Variants in NUDCD1 observed in about 807,000 individuals in gnomAD.
NUDCD1 encodes NudC domain containing 1, also known as nudC domain-containing protein 1.
NUDCD1 carries 60 observed loss-of-function variants against 67.8 expected under a neutral mutation model. That is an observed-to-expected ratio of 0.88 (90% CI 0.72 to 1.10). The LOEUF is 1.10. Ranked by LOEUF, NUDCD1 falls within the 50% of genes least tolerant of loss-of-function variation. NUDCD1 has a pLI of 0.00. For missense variants in NUDCD1, 643 were observed against 695.0 expected (o/e 0.93, Z 0.84); for synonymous variants, 244 against 230.8 (o/e 1.06, Z -0.52).
At chr8:109,288,352 T>C (rs1009743661) in intron 5 of NUDCD1, among the ~76,000 whole-genome samples, 1 of 152,154 alleles carries the variant, frequency 6.6e-6, no homozygotes. Flanking sequence ...TCCCTCGAGA[T>C]TGCTTACCAA....
At chr8:109,243,720 A>G (rs946117983) in intron 9 of NUDCD1, among the ~76,000 whole-genome samples, 3 of 152,186 alleles carry the variant, frequency 2.0e-5, no homozygotes, top group African/African-American at 7.2e-5. Flanking sequence ...AAATTGGAAA[A>G]TGTGTATAGG....
At chr8:109,266,106 T>TA (rs1256671726) in intron 8 of NUDCD1, among the ~76,000 whole-genome samples, 1 of 151,582 alleles carries the variant, frequency 6.6e-6, no homozygotes, top group African/African-American at 2.4e-5. Context: ...TTAAATTATC[T>TA]AGTAGCCATA....
chr8:109,290,394 C>A (rs984325521), intron 4 of NUDCD1, among the ~76,000 whole-genome samples: 1 of 152,028 alleles, frequency 6.6e-6, no homozygotes, highest in Non-Finnish European at 1.5e-5. Flanking sequence ...TTCTGTATGA[C>A]CTACCTCTCC....
chr8:109,271,190 CT>C, intron 7 of NUDCD1, 60 bp from the exon 8 acceptor site: 1 of 1,196,428 alleles, frequency 8.4e-7, no homozygotes, highest in Non-Finnish European at 1.2e-6. Flanking sequence ...GAATGGGTTT[CT>C]TCATCTTTAA....
At chr8:109,271,698 T>C (rs1814160643) in intron 7 of NUDCD1, among the ~76,000 whole-genome samples, 1 of 152,094 alleles carries the variant, frequency 6.6e-6, no homozygotes, top group Non-Finnish European at 1.5e-5. Flanking sequence ...ACAACAAACA[T>C]TTTCTTTAAA....
intron 2 of NUDCD1, among the ~76,000 whole-genome samples, chr8:109,319,703 T>A (rs755240116): frequency 6.6e-6 from 1 of 152,190 alleles, no homozygotes; most frequent in Non-Finnish European, 1.5e-5. Context: ...GAATGTAGTA[T>A]ACAAAGTGCT....
At chr8:109,329,138 A>G (rs1815747831) in intron 1 of NUDCD1, among the ~76,000 whole-genome samples, 1 of 152,182 alleles carries the variant, frequency 6.6e-6, no homozygotes, top group South Asian at 2.1e-4. Flanking sequence ...TACAAAAAAA[A>G]AAAGTAAACG....
intron 8 of NUDCD1, among the ~76,000 whole-genome samples, chr8:109,265,992 CT>C (rs1455176132): frequency 1.3e-5 from 2 of 151,946 alleles, no homozygotes; most frequent in Admixed American, 6.6e-5. Context: ...TAATCTAATA[CT>C]TAAAAATATC....
At chr8:109,316,153 T>C (rs963114417) in intron 2 of NUDCD1, 1 of 152,180 alleles carries the variant, frequency 6.6e-6, no homozygotes, top group Non-Finnish European at 1.5e-5. Context: ...TAAGCCATAA[T>C]ATATAAAATA....
chr8:109,263,147 TCTC>T (rs1813912590), intron 8 of NUDCD1, among the ~76,000 whole-genome samples: 1 of 146,712 alleles, frequency 6.8e-6, no homozygotes, highest in Non-Finnish European at 1.5e-5. Context: ...TAAGGCTACA[TCTC>T]CTCAGTCTGT....
intron 3 of NUDCD1, among the ~76,000 whole-genome samples, chr8:109,295,003 C>T (rs1380741178): frequency 6.6e-6 from 1 of 152,032 alleles, no homozygotes; most frequent in East Asian, 1.9e-4. Context: ...CTAGTCAAAA[C>T]TATTATTAGC....
intron 3 of NUDCD1, among the ~76,000 whole-genome samples, chr8:109,294,733 A>G (rs1477928066): frequency 2.0e-5 from 3 of 152,102 alleles, no homozygotes; most frequent in Admixed American, 2.0e-4. Flanking sequence ...TGGCACTTCC[A>G]TGGTATTAGA....
At chr8:109,297,483 A>C (rs906546156) in intron 2 of NUDCD1, among the ~76,000 whole-genome samples, 2 of 152,038 alleles carry the variant, frequency 1.3e-5, no homozygotes, top group Admixed American at 6.6e-5. Flanking sequence ...ATTGGGATTA[A>C]GTAACCTTGG....
intron 8 of NUDCD1, among the ~76,000 whole-genome samples, chr8:109,268,180 T>C (rs919009716): frequency 2.0e-5 from 3 of 152,216 alleles, no homozygotes; most frequent in Non-Finnish European, 4.4e-5. Context: ...GATCCACTGC[T>C]ATAACATTCT....
At chr8:109,301,832 T>A (rs185964785) in intron 2 of NUDCD1, among the ~76,000 whole-genome samples, 4 of 152,380 alleles carry the variant, frequency 2.6e-5, no homozygotes, top group Non-Finnish European at 5.9e-5. Context: ...CAGTCTTCCC[T>A]TGGTGTTTAA....
chr8:109,263,600 G>A (rs1013483901), intron 8 of NUDCD1, among the ~76,000 whole-genome samples: 2 of 152,140 alleles, frequency 1.3e-5, no homozygotes, highest in African/African-American at 2.4e-5. Context: ...CACAGTTCTT[G>A]ACGTAACTAT....
At chr8:109,306,898 G>T (rs1815120289) in intron 2 of NUDCD1, among the ~76,000 whole-genome samples, 1 of 151,820 alleles carries the variant, frequency 6.6e-6, no homozygotes, top group Non-Finnish European at 1.5e-5. Flanking sequence ...TTCCCATGCT[G>T]CCCCTAATCC....
intron 8 of NUDCD1, among the ~76,000 whole-genome samples, chr8:109,249,793 G>C (rs2980596): frequency 6.6e-6 from 1 of 151,064 alleles, no homozygotes; most frequent in East Asian, 1.9e-4. Flanking sequence ...TATAATTTAC[G>C]GAGAGACATA....
intron 2 of NUDCD1, among the ~76,000 whole-genome samples, chr8:109,309,861 G>T (rs1361231029): frequency 6.7e-6 from 1 of 149,660 alleles, no homozygotes; most frequent in African/African-American, 2.5e-5. Flanking sequence ...TTTTACAATA[G>T]CTGCCAAAAA....
Sources: gnomAD v4.1 joint callset for allele counts (sites outside exome capture counted in the v4.1 genomes callset) on GRCh38, gnomAD v4.1.1 for gene constraint, MANE v1.5 for transcripts, NCBI Gene and HGNC (gene_info 2026-07-23, HGNC 2026-07-21) for gene names.